The following KIF26B variants were observed in gnomAD, a reference collection of about 807,000 sequenced individuals.
KIF26B encodes kinesin family member 26B.
In KIF26B, 63 loss-of-function variants were observed where a neutral mutation model predicts 151.2. The observed-to-expected ratio is 0.42, with a 90% CI of 0.34 to 0.51. The LOEUF (loss-of-function observed/expected upper bound fraction) is 0.51, where lower values mean the gene tolerates loss of function less well. KIF26B is among the 20% of genes least tolerant of loss of function. The probability of loss-of-function intolerance (pLI) is 0.07; values close to 1 mark genes in which losing one functional copy is unlikely to be tolerated. For missense variants in KIF26B, 2,813 were observed against 2,913.6 expected (o/e 0.97, Z 0.79); for synonymous variants, 1,357 against 1,262.1 (o/e 1.08, Z -1.59).
chr1:245,179,999 C>T (rs1277982656), intron 2 of KIF26B, among the ~76,000 whole-genome samples: 2 of 152,210 alleles, frequency 1.3e-5, no homozygotes, highest in African/African-American at 4.8e-5. Context: ...ACCCCACCCC[C>T]TGCATCCTGA....
intron 4 of KIF26B, among the ~76,000 whole-genome samples, chr1:245,479,477 T>C (rs1202717729): frequency 6.6e-6 from 1 of 151,848 alleles, no homozygotes; most frequent in African/African-American, 2.4e-5. Flanking sequence ...TTCAGAGTTT[T>C]TTTGTTGTTG....
intron 2 of KIF26B, among the ~76,000 whole-genome samples, chr1:245,354,775 G>A (rs1672647851): frequency 6.6e-6 from 1 of 152,156 alleles, no homozygotes; most frequent in African/African-American, 2.4e-5. Flanking sequence ...ATTAGCTTCT[G>A]GGCTTAGAAC....
intron 2 of KIF26B, among the ~76,000 whole-genome samples, chr1:245,217,512 C>T (rs1669673167): frequency 6.6e-6 from 1 of 151,846 alleles, no homozygotes; most frequent in Non-Finnish European, 1.5e-5. Context: ...TTACAGGTGC[C>T]CATCACCACG....
intron 3 of KIF26B, among the ~76,000 whole-genome samples, chr1:245,395,545 C>T (rs889261831): frequency 7.9e-5 from 12 of 152,154 alleles, no homozygotes; most frequent in African/African-American, 1.4e-4. Flanking sequence ...TGGATAGACC[C>T]GGATAGACCC....
chr1:245,537,083 T>G (rs1661504622), intron 4 of KIF26B, among the ~76,000 whole-genome samples: 2 of 152,206 alleles, frequency 1.3e-5, no homozygotes, highest in African/African-American at 4.8e-5. Flanking sequence ...GACACATGGA[T>G]GCAGCCATCT....
chr1:245,251,106 T>C (rs959484521), intron 2 of KIF26B, among the ~76,000 whole-genome samples: 24 of 152,182 alleles, frequency 1.6e-4, no homozygotes, highest in African/African-American at 5.8e-4. Context: ...GAAAGCTCAT[T>C]AGAGACTTAG....
intron 4 of KIF26B, among the ~76,000 whole-genome samples, chr1:245,441,329 C>A (rs1659097371): frequency 6.6e-6 from 1 of 152,150 alleles, no homozygotes; most frequent in South Asian, 2.1e-4. Flanking sequence ...TTAAAACAAA[C>A]AAACAACAAC....
chr1:245,409,196 A>G (rs1445883952), intron 3 of KIF26B, among the ~76,000 whole-genome samples: 1 of 152,236 alleles, frequency 6.6e-6, no homozygotes, highest in African/African-American at 2.4e-5. Flanking sequence ...TGGTGGGACC[A>G]TATCACCTCT....
At chr1:245,607,876 C>A in intron 7 of KIF26B, 132 bp downstream of exon 7, 2 of 677,160 alleles carry the variant, frequency 3.0e-6, no homozygotes, top group South Asian at 2.1e-5. Context: ...GCTGAATAAC[C>A]AATAACAAGT....
At chr1:245,466,555 G>C (rs1304646819) in intron 4 of KIF26B, among the ~76,000 whole-genome samples, 1 of 152,216 alleles carries the variant, frequency 6.6e-6, no homozygotes, top group Non-Finnish European at 1.5e-5. Context: ...TTGAAAGAAA[G>C]GGGAATGTGT....
At chr1:245,344,457 T>G (rs1019186281) in intron 2 of KIF26B, among the ~76,000 whole-genome samples, 2 of 131,062 alleles carry the variant, frequency 1.5e-5, no homozygotes, top group African/African-American at 5.8e-5. Context: ...ATCGCGCCAC[T>G]GCACTCCAGC....
chr1:245,399,489 TC>T (rs1268586933), intron 3 of KIF26B, among the ~76,000 whole-genome samples: 1 of 152,232 alleles, frequency 6.6e-6, no homozygotes, highest in Non-Finnish European at 1.5e-5. Context: ...CTGTTGTCAA[TC>T]CGACTTATTG....
chr1:245,257,349 C>T (rs1339785341), intron 2 of KIF26B, among the ~76,000 whole-genome samples: 2 of 152,240 alleles, frequency 1.3e-5, no homozygotes, highest in Non-Finnish European at 1.5e-5. Flanking sequence ...GGCTGTGTCA[C>T]AGGCCACGGT....
rs370466424 is a variant in KIF26B at position 245,684,245 on chromosome 1, C to T, written c.2271C>T (p.Leu757=). Residue 757 remains leucine, a synonymous_variant, in exon 11 of 15, where the codon CTC becomes CTT. Transcript: ENST00000407071. The part of the protein sequence containing the change: ...SKHIPYKESK[L]AMLLRESLGN... Reference sequence around the variant, plus strand: ...CTTTGTTTGGCAGAGAGAGCAAGCTCGCCATGTTGCTGCGGGAGTCTCTGG... The same window carrying T: ...CTTTGTTTGGCAGAGAGAGCAAGCTTGCCATGTTGCTGCGGGAGTCTCTGG... The T allele has an allele frequency of 3.9e-5, 63 of 1,613,228 alleles. No individual in the cohort carries two copies. In the South Asian group the frequency reaches 5.3e-4, roughly 14 times the overall value.
intron 2 of KIF26B, among the ~76,000 whole-genome samples, chr1:245,195,638 C>T (rs1034221325): frequency 4.6e-5 from 7 of 152,148 alleles, no homozygotes; most frequent in African/African-American, 1.4e-4. Context: ...GCTTCAGGGC[C>T]GGGGGAAGGA....
rs557801902 is a variant in KIF26B, at chr1:245,410,312, C to T, written c.1000-9267C>T. 3.9e-5 allele frequency among the ~76,000 whole-genome samples: 6 copies of T among 152,334 alleles called. No homozygotes were observed. In the South Asian group the frequency reaches 1.2e-3, roughly 32 times the overall value. Reference sequence around the variant, plus strand: ...CACTGGAAGACAGAAACCCTGGGTTCTTGGCCCTCTTCTCTTGACTCGGGC... The same window carrying T: ...CACTGGAAGACAGAAACCCTGGGTTTTTGGCCCTCTTCTCTTGACTCGGGC... On this transcript the variant is annotated intron_variant, in intron 3 of 14. Coordinates refer to ENST00000407071, the MANE Select transcript of KIF26B (RefSeq NM_018012.4).
At position 245,687,888 on chromosome 1, in the gene KIF26B, G is replaced by C; in HGVS notation, c.4905G>C (p.Ala1635=). The change falls in exon 12 of 15, where the codon GCG becomes GCC. Residue 1635 remains alanine (A), a synonymous_variant. Transcript: ENST00000407071. This position sits in a 1 kb window ranked among gnomAD's most constrained non-coding sequence, Gnocchi z 4.9. ...TGAACCAACCAGCCGCCTTCCCGGC[G>C]GGCCTCCCAGACGAGCCTAGCGGCA... The part of the protein sequence containing the change: ...SPLNQPAAFP[A]GLPDEPSGKT... The C allele has an allele frequency of 1.9e-6, 3 of 1,591,180 alleles. No homozygotes were observed. Among genetic ancestry groups the C allele is most frequent in the Non-Finnish European group, 2.6e-6 (3 of 1,170,638 alleles).
intron 4 of KIF26B, among the ~76,000 whole-genome samples, chr1:245,521,469 T>C (rs1661109069): frequency 6.6e-6 from 1 of 152,210 alleles, no homozygotes; most frequent in Non-Finnish European, 1.5e-5. Context: ...ATTTAGATAC[T>C]TATACATCCA....
chr1:245,230,077 G>A (rs1179616250), intron 2 of KIF26B, among the ~76,000 whole-genome samples: 3 of 151,668 alleles, frequency 2.0e-5, no homozygotes, highest in African/African-American at 7.3e-5. Context: ...AGGTTGCAGT[G>A]AGCCGAGATC....
Sources: gnomAD v4.1 joint callset for allele counts (sites outside exome capture counted in the v4.1 genomes callset) on GRCh38, gnomAD v4.1.1 for gene constraint, Gnocchi (gnomAD v3.1) non-coding constraint, MANE v1.5 for transcripts, NCBI Gene and HGNC (gene_info 2026-07-23, HGNC 2026-07-21) for gene names.